FRMD4A: variants seen among roughly 807,000 people sequenced by gnomAD.
FRMD4A encodes the protein FERM domain containing 4A.
A neutral mutation model predicts 129.1 loss-of-function variants in FRMD4A; 29 were observed. The observed-to-expected ratio is 0.22, with a 90% CI of 0.17 to 0.31. FRMD4A has a LOEUF of 0.31. FRMD4A is among the 10% of genes least tolerant of loss of function. The pLI, the probability that FRMD4A is intolerant of heterozygous loss-of-function variation, is 1.00. For synonymous variants in FRMD4A, 634 were observed against 571.6 expected, an observed-to-expected ratio of 1.11 and a Z score of -1.56; for missense variants, 1,272 against 1,375.8, an observed-to-expected ratio of 0.92 and a Z score of 1.19.
Position 13,705,024 on chromosome 10 carries a change from T to C in FRMD4A, c.836+2013A>G, listed in dbSNP as rs531415360. ...GGAAGGTGGAGGCTGCAGTGAGCTA[T>C]GATTGCACCACTGCATTCCAGCATG... On this transcript the variant is annotated intron_variant, in intron 13 of 24. Transcript: ENST00000357447. Among the ~76,000 whole-genome samples the C allele has an allele frequency of 5.9e-5, 9 of 152,270 alleles. No individual in the cohort carries two copies. In the East Asian group the frequency reaches 1.5e-3, roughly 26 times the overall value.
At chr10:13,715,599 T>C (rs2088701881) in intron 12 of FRMD4A, among the ~76,000 whole-genome samples, 1 of 152,144 alleles carries the variant, frequency 6.6e-6, no homozygotes, top group Non-Finnish European at 1.5e-5. Flanking sequence ...GCCTGGTACA[T>C]AGTGCTGAAG....
rs1464172350 is a variant in FRMD4A, at chr10:13,657,045, C to T, written c.2544G>A (p.Val848=). The stretch of plus-strand genomic sequence containing the variant: ...GGTCGCTCTCCAGGCTGCGCACCAC[C>T]ACGGGCGTGGCGCCGCCCTCGATGT... ...PLYIEGGATP[V]VVRSLESDQE... is the part of the protein sequence containing the mutation. Residue 848 remains valine, a synonymous_variant, in exon 22 of 25, where the codon GTG becomes GTA. Transcript: ENST00000357447. The T allele has an allele frequency of 3.2e-6, 5 of 1,571,968 alleles. No homozygotes were observed. Among genetic ancestry groups the T allele is most frequent in the East Asian group, 4.7e-5 (2 of 42,144 alleles).
At chr10:13,831,498 CT>C (rs2093789466) in intron 3 of FRMD4A, among the ~76,000 whole-genome samples, 1 of 152,162 alleles carries the variant, frequency 6.6e-6, no homozygotes, top group Admixed American at 6.5e-5. Flanking sequence ...AACAAGAAGG[CT>C]TTGAAGTCAC....
chr10:13,688,046 T>A (rs1273725790), intron 15 of FRMD4A, among the ~76,000 whole-genome samples: 1 of 152,154 alleles, frequency 6.6e-6, no homozygotes, highest in East Asian at 1.9e-4. Context: ...CCAATCACTT[T>A]AACTACGCTG....
intron 2 of FRMD4A, among the ~76,000 whole-genome samples, chr10:14,026,607 T>C (rs762229411): frequency 6.6e-6 from 1 of 152,200 alleles, no homozygotes; most frequent in Non-Finnish European, 1.5e-5. Flanking sequence ...GAAAATCTAT[T>C]TCCCTGATGG....
chr10:13,814,574 C>T lies in FRMD4A; in HGVS notation c.112-3666G>A, dbSNP rs563057578. 1.1e-4 allele frequency among the ~76,000 whole-genome samples: 8 copies of T among 72,060 alleles called. No individual in the cohort carries two copies. The East Asian group carries it at 3.2e-3, about 29-fold the overall frequency. 47.3% of individuals were successfully genotyped at this position (72,060 alleles called of 152,430 possible). A position where few individuals can be genotyped will look rare whatever the true frequency, so the allele number is the denominator to read the frequency against. On this transcript the variant is annotated intron_variant, in intron 3 of 24. Coordinates refer to ENST00000357447, the MANE Select transcript of FRMD4A (RefSeq NM_018027.5). ...CCAGCCTGGGCGATAGAGTGAGACC[C>T]TGTTTCAAAAAAAAAAAAAAAAAAA...
intron 2 of FRMD4A, among the ~76,000 whole-genome samples, chr10:14,201,772 T>G (rs781762311): frequency 5.3e-5 from 8 of 152,162 alleles, no homozygotes; most frequent in Non-Finnish European, 7.3e-5. Context: ...ATGACTTTAT[T>G]GTGGGGGCTG....
intron 2 of FRMD4A, among the ~76,000 whole-genome samples, chr10:14,226,161 T>C (rs1342629103): frequency 6.6e-6 from 1 of 152,134 alleles, no homozygotes; most frequent in African/African-American, 2.4e-5. Context: ...CATATGCAGG[T>C]TTATTATGTA....
intron 2 of FRMD4A, among the ~76,000 whole-genome samples, chr10:13,923,245 C>A (rs1298092769): frequency 6.6e-6 from 1 of 152,094 alleles, no homozygotes; most frequent in African/African-American, 2.4e-5. Flanking sequence ...AGGCCAAATC[C>A]CTTTCATCTA....
intron 3 of FRMD4A, among the ~76,000 whole-genome samples, chr10:13,817,923 C>T (rs890856260): frequency 1.3e-5 from 2 of 152,168 alleles, no homozygotes; most frequent in African/African-American, 2.4e-5. Context: ...CTCACCAATT[C>T]CTCACAGAAT....
chr10:14,165,140 T>A (rs1040719674), intron 2 of FRMD4A, among the ~76,000 whole-genome samples: 2 of 152,126 alleles, frequency 1.3e-5, no homozygotes, highest in Non-Finnish European at 2.9e-5. Flanking sequence ...CCAGAATCCA[T>A]AAAGGACTTA....
At chr10:14,199,128 T>C (rs1030888300) in intron 2 of FRMD4A, among the ~76,000 whole-genome samples, 4 of 152,114 alleles carry the variant, frequency 2.6e-5, no homozygotes, top group African/African-American at 9.7e-5. Context: ...TTACTGGTTT[T>C]ATAGTGTTAC....
intron 2 of FRMD4A, among the ~76,000 whole-genome samples, chr10:13,920,848 A>T (rs1273667987): frequency 6.6e-6 from 1 of 152,086 alleles, no homozygotes; most frequent in Non-Finnish European, 1.5e-5. Flanking sequence ...TCCACTTAGC[A>T]TGTGACCAGT....
At chr10:13,850,708 G>T (rs1483905428) in intron 3 of FRMD4A, among the ~76,000 whole-genome samples, 2 of 152,158 alleles carry the variant, frequency 1.3e-5, no homozygotes, top group Non-Finnish European at 2.9e-5. Flanking sequence ...ATCATATCTT[G>T]TGAATCTTGG....
At chr10:13,759,126 C>T (rs993031576) in intron 8 of FRMD4A, among the ~76,000 whole-genome samples, 3 of 152,156 alleles carry the variant, frequency 2.0e-5, no homozygotes, top group African/African-American at 4.8e-5. Context: ...TCACCCCCAC[C>T]GTCCATGGTG....
At chr10:13,785,728 C>T (rs1470473849) in intron 5 of FRMD4A, among the ~76,000 whole-genome samples, 1 of 152,050 alleles carries the variant, frequency 6.6e-6, no homozygotes, top group African/African-American at 2.4e-5. Flanking sequence ...CCTGTTAACT[C>T]GTCATTTACA....
At chr10:13,809,164 C>A (rs1432362517) in intron 4 of FRMD4A, among the ~76,000 whole-genome samples, 1 of 152,170 alleles carries the variant, frequency 6.6e-6, no homozygotes, top group African/African-American at 2.4e-5. Context: ...GACTTTCTAC[C>A]TAGGTCCGAT....
intron 2 of FRMD4A, among the ~76,000 whole-genome samples, chr10:13,965,453 T>C (rs1318001604): frequency 2.0e-5 from 3 of 152,222 alleles, no homozygotes; most frequent in Non-Finnish European, 2.9e-5. Context: ...CAGGTGGCAG[T>C]GTTCCCACTG....
intron 2 of FRMD4A, among the ~76,000 whole-genome samples, chr10:14,177,034 T>C (rs1246149042): frequency 1.3e-5 from 2 of 152,294 alleles, no homozygotes; most frequent in East Asian, 3.9e-4. Flanking sequence ...ATAAGCTGCA[T>C]CCATTATTTG....
Sources: gnomAD v4.1 joint callset for allele counts (sites outside exome capture counted in the v4.1 genomes callset) on GRCh38, gnomAD v4.1.1 for gene constraint, MANE v1.5 for transcripts, NCBI Gene and HGNC (gene_info 2026-07-23, HGNC 2026-07-21) for gene names.